Variants in PTPRD observed in about 807,000 individuals in gnomAD.
The protein encoded by PTPRD is protein tyrosine phosphatase receptor type D.
PTPRD carries 34 observed loss-of-function variants against 214.5 expected under a neutral mutation model. That is an observed-to-expected ratio of 0.16 (90% confidence interval 0.12 to 0.21). PTPRD has a LOEUF of 0.21. Ranked by LOEUF, PTPRD falls within the 10% of genes least tolerant of loss-of-function variation. The pLI is 1.00. For missense variants in PTPRD, 2,545 were observed against 2,398.7 expected, an observed-to-expected ratio of 1.06 and a Z score of -1.27; for synonymous variants, 1,128 against 845.7, an observed-to-expected ratio of 1.33 and a Z score of -5.79.
chr9:9,006,237 C>T (rs1436258031), intron 11 of PTPRD, among the ~76,000 whole-genome samples: 7 of 151,888 alleles, frequency 4.6e-5, no homozygotes, highest in Admixed American at 3.3e-4. Flanking sequence ...TAAAGTCTGA[C>T]TCTATTATTC....
At chr9:10,543,660 A>G (rs2059621995) in intron 2 of PTPRD, among the ~76,000 whole-genome samples, 1 of 152,194 alleles carries the variant, frequency 6.6e-6, no homozygotes, top group Non-Finnish European at 1.5e-5. Context: ...AGTTCCTTTG[A>G]AGTTGGACAT....
intron 11 of PTPRD, among the ~76,000 whole-genome samples, chr9:8,797,785 G>A (rs928651575): frequency 9.2e-5 from 14 of 152,146 alleles, no homozygotes; most frequent in African/African-American, 3.4e-4. Flanking sequence ...GTCCTCAAGA[G>A]TAGAGAATGT....
intron 5 of PTPRD, among the ~76,000 whole-genome samples, chr9:9,920,555 G>C (rs1391003047): frequency 6.6e-6 from 1 of 152,102 alleles, no homozygotes; most frequent in Non-Finnish European, 1.5e-5. Context: ...ACATTAATCT[G>C]AACGTTTAAA....
chr9:8,349,602 T>C (rs1230247189), intron 39 of PTPRD, among the ~76,000 whole-genome samples: 1 of 152,182 alleles, frequency 6.6e-6, no homozygotes, highest in African/African-American at 2.4e-5. Context: ...AAACCACCCT[T>C]ATTTTTATCT....
chr9:10,547,288 T>C (rs931704892), intron 2 of PTPRD, among the ~76,000 whole-genome samples: 1 of 152,100 alleles, frequency 6.6e-6, no homozygotes, highest in Non-Finnish European at 1.5e-5. Flanking sequence ...GAATGTAGTT[T>C]GATTAATGGT....
chr9:8,962,782 A>C (rs748086600), intron 11 of PTPRD: 2 of 152,174 alleles, frequency 1.3e-5, no homozygotes, highest in Non-Finnish European at 2.9e-5. Context: ...TGGTTAATCT[A>C]CATGTATTAC....
intron 31 of PTPRD, among the ~76,000 whole-genome samples, chr9:8,466,380 T>C (rs2096544668): frequency 6.6e-6 from 1 of 151,954 alleles, no homozygotes. Context: ...GCAAGGTAGA[T>C]GAAAATTAAT....
chr9:8,545,972 A>G (rs576278385), intron 14 of PTPRD, among the ~76,000 whole-genome samples: 18 of 152,330 alleles, frequency 1.2e-4, no homozygotes, highest in African/African-American at 4.1e-4. Flanking sequence ...TGGCTAGCCT[A>G]TCCAAGCACA....
chr9:9,909,298 T>C (rs2078492817), intron 5 of PTPRD, among the ~76,000 whole-genome samples: 1 of 151,148 alleles, frequency 6.6e-6, no homozygotes, highest in East Asian at 2.0e-4. Flanking sequence ...GGATTTTAGG[T>C]TGAGTTTTTA....
chr9:9,142,080 A>AC (rs2099861414), intron 10 of PTPRD, among the ~76,000 whole-genome samples: 1 of 152,262 alleles, frequency 6.6e-6, no homozygotes, highest in Non-Finnish European at 1.5e-5. Context: ...TCAATGTGCC[A>AC]GTCTGTTCCT....
chr9:10,204,145 T>C (rs1386322621), intron 3 of PTPRD, among the ~76,000 whole-genome samples: 2 of 152,204 alleles, frequency 1.3e-5, no homozygotes, highest in Non-Finnish European at 2.9e-5. Context: ...TTTGAAGGCA[T>C]TGACCTCTAT....
intron 9 of PTPRD, among the ~76,000 whole-genome samples, chr9:9,351,794 C>T (rs1318581524): frequency 6.6e-6 from 1 of 151,954 alleles, no homozygotes; most frequent in African/African-American, 2.4e-5. Context: ...CAGCTGGGTT[C>T]ATAATTTGGA....
At chr9:8,929,397 A>C (rs1203098567) in intron 11 of PTPRD, among the ~76,000 whole-genome samples, 4 of 151,996 alleles carry the variant, frequency 2.6e-5, no homozygotes, top group African/African-American at 9.7e-5. Context: ...TTTTAGCATG[A>C]AGTTGTGTTG....
intron 8 of PTPRD, among the ~76,000 whole-genome samples, chr9:9,500,072 G>C (rs943274840): frequency 3.3e-5 from 5 of 152,108 alleles, no homozygotes; most frequent in Admixed American, 6.6e-5. Flanking sequence ...TGAATGGGCT[G>C]TAAAAAACTG....
intron 8 of PTPRD, among the ~76,000 whole-genome samples, chr9:9,400,314 A>G (rs2069782869): frequency 6.6e-6 from 1 of 151,892 alleles, no homozygotes; most frequent in Non-Finnish European, 1.5e-5. Context: ...TTTAACTAAG[A>G]TACTCTCCCC....
intron 14 of PTPRD, among the ~76,000 whole-genome samples, chr9:8,581,803 G>A (rs148320237): frequency 3.4e-4 from 51 of 149,790 alleles, no homozygotes; most frequent in African/African-American, 1.2e-3. Context: ...GGAGAGGTGA[G>A]GGGAGGGAAG....
At chr9:10,049,058 G>A (rs1320466172) in intron 3 of PTPRD, among the ~76,000 whole-genome samples, 1 of 152,030 alleles carries the variant, frequency 6.6e-6, no homozygotes, top group Non-Finnish European at 1.5e-5. Context: ...AAAAGATGGA[G>A]ATGTTTAAAA....
intron 12 of PTPRD, among the ~76,000 whole-genome samples, chr9:8,645,640 A>T (rs939011455): frequency 4.6e-5 from 7 of 152,278 alleles, no homozygotes; most frequent in Admixed American, 4.6e-4. Flanking sequence ...ACAGGAACAG[A>T]AAAGGAGAGA....
chr9:9,568,001 G>T (rs1485788115), intron 8 of PTPRD, among the ~76,000 whole-genome samples: 1 of 151,672 alleles, frequency 6.6e-6, no homozygotes, highest in South Asian at 2.1e-4. Flanking sequence ...TATAATTACG[G>T]CAGACATCTT....
Sources: gnomAD v4.1 joint callset for allele counts (sites outside exome capture counted in the v4.1 genomes callset) on GRCh38, gnomAD v4.1.1 for gene constraint, MANE v1.5 for transcripts, NCBI Gene and HGNC (gene_info 2026-07-23, HGNC 2026-07-21) for gene names.